Variants in GK observed in about 807,000 individuals in gnomAD.
GK encodes ATP:glycerol 3-phosphotransferase.
GK carries 9 observed loss-of-function variants against 56.4 expected under a neutral mutation model. The ratio of observed to expected loss-of-function variants is 0.16; its 90% CI spans 0.10 to 0.28. GK has a LOEUF of 0.28. GK is among the 10% of genes least tolerant of loss of function. The pLI is 1.00. For synonymous variants in GK, 104 were observed against 144.1 expected (o/e 0.72, Z 1.99); for missense variants, 161 against 431.4 (o/e 0.37, Z 5.55).
intron 18 of GK, among the ~76,000 whole-genome samples, chrX:30,722,807 C>T (rs1316384143): frequency 9.0e-6 from 1 of 110,848 alleles, no homozygotes; most frequent in African/African-American, 3.3e-5. Flanking sequence ...AGAAATGGGG[C>T]ACTGGAAAGC....
rs764683899 is a variant in GK, at chrX:30,696,047, G to A, written c.558G>A (p.Leu186=). The change falls in exon 7 of 21, where the codon TTG becomes TTA. Residue 186 remains leucine (L), a synonymous_variant. Transcript: ENST00000427190. Reference sequence around the variant, plus strand: ...GATTTTTTTACTCTGCCTAGAGTTTGACAGGAGGAGTCAATGGAGGTGTCC... The same window carrying A: ...GATTTTTTTACTCTGCCTAGAGTTTAACAGGAGGAGTCAATGGAGGTGTCC... ...GTIDSWLIWS[L]TGGVNGGVHC... The A allele has an allele frequency of 4.6e-6, 5 of 1,075,465 alleles. No homozygotes were observed. Among genetic ancestry groups the A allele is most frequent in the African/African-American group, 1.8e-5 (1 of 55,278 alleles). The allele number at this position is 1,075,465 out of a possible 1,213,427, so 88.6% of individuals were successfully genotyped here.
intron 5 of GK, 143 bp from the exon 6 acceptor site, chrX:30,694,257 G>C: frequency 1.8e-6 from 1 of 551,562 alleles, no homozygotes; most frequent in Non-Finnish European, 3.2e-6. Context: ...CATGAGACAG[G>C]AAAAGTATTT....
intron 1 of GK, among the ~76,000 whole-genome samples, chrX:30,664,875 T>C (rs776267525): frequency 2.7e-5 from 3 of 109,310 alleles, no homozygotes; most frequent in East Asian, 5.8e-4. Flanking sequence ...GGCTAATTTT[T>C]TGTGTTTTTA....
At chrX:30,708,999 C>T (rs1601937541) in intron 13 of GK, among the ~76,000 whole-genome samples, 1 of 111,478 alleles carries the variant, frequency 9.0e-6, no homozygotes, top group Non-Finnish European at 1.9e-5. Context: ...CCCATAAACA[C>T]TATAATATTT....
chrX:30,686,298 A>G (rs1934607052), intron 4 of GK, among the ~76,000 whole-genome samples: 1 of 112,674 alleles, frequency 8.9e-6, no homozygotes, highest in South Asian at 3.6e-4. Context: ...TTAGCTTTTG[A>G]CAAATAGTAA....
intron 11 of GK, among the ~76,000 whole-genome samples, chrX:30,704,089 G>A (rs1183660740): frequency 3.1e-5 from 3 of 97,935 alleles, no homozygotes; most frequent in African/African-American, 4.2e-5. Context: ...TAGCAGGCAC[G>A]GGGATGGAGA....
At chrX:30,697,804 A>G (rs763419699) in intron 9 of GK, 55 bp downstream of exon 9, 2 of 866,251 alleles carry the variant, frequency 2.3e-6, no homozygotes, top group East Asian at 3.1e-5. Context: ...GATACAGTGC[A>G]CTTCCATTTA....
At position 30,667,238 on chromosome X, in the gene GK, C is replaced by G. The variant is rs191063394; in HGVS notation, c.153-774C>G. On this transcript the variant is annotated intron_variant, in intron 2 of 20. Coordinates refer to ENST00000427190, the MANE Select transcript of GK (RefSeq NM_001205019.2). ...AGGAAAGGGAAGCATTTAGTTAGGC[C>G]TGAGAAAGGCAGAGAAGAAAGGCAG... 2.7e-5 allele frequency among the ~76,000 whole-genome samples: 3 copies of G among 111,858 alleles called. No individual in the cohort carries two copies. In the East Asian group the frequency reaches 8.4e-4, roughly 31 times the overall value.
chrX:30,665,473 C>A, intron 1 of GK, 38 bp from the exon 2 acceptor site: 1 of 802,578 alleles, frequency 1.2e-6, no homozygotes, highest in Non-Finnish European at 1.9e-6. Context: ...TTGATATCTG[C>A]CTGCATTTTT....
chrX:30,728,360 G>T (rs974787576), intron 20 of GK, among the ~76,000 whole-genome samples: 4 of 110,943 alleles, frequency 3.6e-5, no homozygotes, highest in Non-Finnish European at 5.7e-5. Context: ...CATGATTAGG[G>T]TTTCATGAAA....
intron 13 of GK, 142 bp downstream of exon 13, chrX:30,708,276 A>G: frequency 2.3e-6 from 1 of 435,514 alleles, no homozygotes; most frequent in East Asian, 3.9e-5. Flanking sequence ...ATTGAGTTGA[A>G]GGAACCTGAA....
intron 2 of GK, among the ~76,000 whole-genome samples, chrX:30,666,545 G>A (rs1933090135): frequency 9.0e-6 from 1 of 111,629 alleles, no homozygotes; most frequent in African/African-American, 3.3e-5. Context: ...TGGGGTGTTG[G>A]TTAGATGGGT....
chrX:30,667,162 T>C (rs1262136344), intron 2 of GK, among the ~76,000 whole-genome samples: 1 of 109,200 alleles, frequency 9.2e-6, no homozygotes, highest in East Asian at 2.8e-4. Context: ...TCAAAAAAAA[T>C]AAAAATTAAA....
At chrX:30,678,999 C>T (rs1244861540) in intron 4 of GK, among the ~76,000 whole-genome samples, 1 of 108,956 alleles carries the variant, frequency 9.2e-6, no homozygotes, top group Admixed American at 9.9e-5. Flanking sequence ...CACACCCAGC[C>T]AGAAGTACAT....
chrX:30,682,031 T>C (rs1934304642), intron 4 of GK, among the ~76,000 whole-genome samples: 1 of 111,578 alleles, frequency 9.0e-6, no homozygotes, highest in Non-Finnish European at 1.9e-5. Flanking sequence ...AATTTTATTG[T>C]TTATACATTG....
At position 30,677,357 on chromosome X, in the gene GK, T is replaced by G; in HGVS notation, c.260-18T>G. The G allele has an allele frequency of 9.7e-7, 1 of 1,032,146 alleles. No homozygotes were observed. The highest frequency in any genetic ancestry group is 1.4e-6 in the Non-Finnish European group (1 of 731,248). The allele number at this position is 1,032,146 out of a possible 1,213,427, so 85.1% of individuals were successfully genotyped here. On this transcript the variant is annotated intron_variant, in intron 3 of 20. Coordinates refer to ENST00000427190, the MANE Select transcript of GK (RefSeq NM_001205019.2). ...TGTTAAATTTTTGACTTCCTTCTGTTTAACTTTCTCTTTAAAGCTATTGGT... is the reference window on the plus strand; with the variant it reads ...TGTTAAATTTTTGACTTCCTTCTGTGTAACTTTCTCTTTAAAGCTATTGGT...
chrX:30,672,363 C>T lies in GK; in HGVS notation c.259+4245C>T, dbSNP rs151265897. 2.1e-4 allele frequency among the ~76,000 whole-genome samples: 23 copies of T among 110,404 alleles called. No homozygotes were observed. The East Asian group carries it at 6.6e-3, about 31-fold the overall frequency. Reference sequence around the variant, plus strand: ...TGCCTTGCCCTACCCAACATATTCACACACATTTCTACCACCTCTTAGACT... The same window carrying T: ...TGCCTTGCCCTACCCAACATATTCATACACATTTCTACCACCTCTTAGACT... On this transcript the variant is annotated intron_variant, in intron 3 of 20. Transcript: ENST00000427190.
At chrX:30,692,227 A>G (rs1405059008) in intron 5 of GK, among the ~76,000 whole-genome samples, 3 of 111,149 alleles carry the variant, frequency 2.7e-5, no homozygotes. Context: ...CTTGTCCTGA[A>G]TAAATCATTT....
chrX:30,721,300 T>A (rs1339634073), intron 18 of GK: 1 of 276,286 alleles, frequency 3.6e-6, no homozygotes, highest in Non-Finnish European at 6.5e-6. Flanking sequence ...AATAGCCTTT[T>A]TTTTTTTTTG....
Sources: gnomAD v4.1 joint callset for allele counts (sites outside exome capture counted in the v4.1 genomes callset) on GRCh38, gnomAD v4.1.1 for gene constraint, MANE v1.5 for transcripts, NCBI Gene and HGNC (gene_info 2026-07-23, HGNC 2026-07-21) for gene names.